TRPV3: variants seen among roughly 807,000 people sequenced by gnomAD.
TRPV3 encodes the protein transient receptor potential cation channel subfamily V member 3, also known as VRL-3.
A neutral mutation model predicts 87.1 loss-of-function variants in TRPV3; 88 were observed. The ratio of observed to expected loss-of-function variants is 1.01; its 90% confidence interval spans 0.85 to 1.21. The LOEUF is 1.21. Ranked by LOEUF, TRPV3 falls within the 50% of genes most tolerant of loss-of-function variation. The probability of loss-of-function intolerance (pLI) is 0.00; values close to 1 mark genes in which losing one functional copy is unlikely to be tolerated. For missense variants in TRPV3, 1,054 were observed against 1,030.1 expected (o/e 1.02, Z -0.32); for synonymous variants, 438 against 423.3 (o/e 1.03, Z -0.43).
rs138748634 is a variant in TRPV3 at position 3,513,341 on chromosome 17, T to A, written c.*576A>T. 618 of 152,930 alleles carry A rather than the reference T, an allele frequency of 4.0e-3. 5 individuals are homozygous for A. The highest frequency in any genetic ancestry group is 7.5e-3 in the Non-Finnish European group (514 of 68,172). The allele number at this position is 152,930 out of a possible 1,614,324, so 9.5% of individuals were successfully genotyped here. On this transcript the variant is annotated 3_prime_UTR_variant, in exon 18 of 18. Coordinates refer to ENST00000576742, the MANE Select transcript of TRPV3 (RefSeq NM_145068.4). Reference sequence around the variant, plus strand: ...GACGTTCACTCCAAGGATGGTCTCCTTTTCCCCGAAGGGTTCCGGAAGGGT... The same window carrying A: ...GACGTTCACTCCAAGGATGGTCTCCATTTCCCCGAAGGGTTCCGGAAGGGT...
intron 2 of TRPV3, among the ~76,000 whole-genome samples, chr17:3,549,933 T>C (rs2074558513): frequency 6.7e-6 from 1 of 149,354 alleles, no homozygotes; most frequent in South Asian, 2.1e-4. Context: ...GATGGATGGA[T>C]GGACAGATGA....
At chr17:3,514,089 C>CT in intron 17 of TRPV3, 78 bp from the exon 18 acceptor site, 1 of 1,312,006 alleles carries the variant, frequency 7.6e-7, no homozygotes, top group South Asian at 1.4e-5. Context: ...TCTTTTTTTT[C>CT]TTTTTTGAGA....
chr17:3,551,684 C>T (rs374320958), intron 2 of TRPV3, among the ~76,000 whole-genome samples: 2 of 152,006 alleles, frequency 1.3e-5, no homozygotes, highest in African/African-American at 4.8e-5. Context: ...CTGGGCATCA[C>T]CTTTTCCAGG....
Position 3,525,226 on chromosome 17 carries a change from G to C in TRPV3, c.1578-863C>G, listed in dbSNP as rs536510401. ...GTAGAGATGGGGTTTCACCATGTTG[G>C]CCAGGCTGGTCTCGAACTTCTGACC... is the stretch of plus-strand genomic sequence containing the variant. On this transcript the variant is annotated intron_variant, in intron 12 of 17. Coordinates refer to ENST00000576742, the MANE Select transcript of TRPV3 (RefSeq NM_145068.4). 1.3e-3 allele frequency among the ~76,000 whole-genome samples: 196 copies of C among 152,266 alleles called. 2 individuals are homozygous for C. The highest frequency in any genetic ancestry group is 2.4e-3 in the Non-Finnish European group (166 of 68,024).
rs191657144 is a variant in TRPV3 at position 3,556,085 on chromosome 17, G to A, written c.-2-1233C>T. Among the ~76,000 whole-genome samples the A allele has an allele frequency of 4.2e-3, 642 of 151,878 alleles. 3 individuals are homozygous for A. The highest frequency in any genetic ancestry group is 0.015 in the African/African-American group (605 of 41,396). ...CCAGCTAGTCGGGAGGCTGAGGCAG[G>A]AGAATCACTTGAATCCAGGAGGCAG... is the stretch of plus-strand genomic sequence containing the variant. On this transcript the variant is annotated intron_variant, in intron 1 of 17. Transcript: ENST00000576742. The surrounding 1 kb of genome is among the most constrained non-coding windows in gnomAD (Gnocchi z 4.2).
At chr17:3,527,229 C>T (rs1425870241) in intron 11 of TRPV3, among the ~76,000 whole-genome samples, 3 of 152,304 alleles carry the variant, frequency 2.0e-5, no homozygotes, top group Admixed American at 2.0e-4. Context: ...TCCAGCCTAG[C>T]GTTCCAGCCT....
chr17:3,527,728 A>C (rs2074312341), intron 11 of TRPV3: 1 of 431,272 alleles, frequency 2.3e-6, no homozygotes, highest in African/African-American at 2.1e-5. Flanking sequence ...GGTCCATGAA[A>C]GAGGGCAGGT....
chr17:3,521,896 C>T (rs765354472), intron 13 of TRPV3, among the ~76,000 whole-genome samples: 17 of 151,988 alleles, frequency 1.1e-4, no homozygotes, highest in African/African-American at 3.9e-4. Context: ...GCCAACATGG[C>T]GAAACCCCGT....
Position 3,528,194 on chromosome 17 carries a change from G to A in TRPV3, c.1402-68C>T, listed in dbSNP as rs1021413185. 7 of 1,272,908 alleles carry A rather than the reference G, an allele frequency of 5.5e-6. No homozygotes were observed. The highest frequency in any genetic ancestry group is 7.7e-6 in the Non-Finnish European group (7 of 914,736). 78.9% of individuals were successfully genotyped at this position (1,272,908 alleles called of 1,614,324 possible). ...GGACAGGGCTGGCACCAACTCTAGA[G>A]GGACCAAAACCCAGGTGAAACACTC... On this transcript the variant is annotated intron_variant, in intron 10 of 17. Coordinates refer to ENST00000576742, the MANE Select transcript of TRPV3 (RefSeq NM_145068.4). This position sits in a 1 kb window ranked among gnomAD's most constrained non-coding sequence, Gnocchi z 4.2.
chr17:3,523,526 C>T (rs886533244), intron 13 of TRPV3, among the ~76,000 whole-genome samples: 1 of 152,118 alleles, frequency 6.6e-6, no homozygotes, highest in Non-Finnish European at 1.5e-5. Flanking sequence ...CAAGACAATC[C>T]TGGCCAACAT....
intron 2 of TRPV3, among the ~76,000 whole-genome samples, chr17:3,549,010 T>C (rs923920904): frequency 1.3e-5 from 2 of 152,120 alleles, no homozygotes; most frequent in Non-Finnish European, 2.9e-5. Context: ...GGCCCTGCAG[T>C]GCCCCAGAAC....
chr17:3,545,467 G>C (rs553264010), intron 2 of TRPV3, among the ~76,000 whole-genome samples, 196 bp from the exon 3 acceptor site: 1 of 152,292 alleles, frequency 6.6e-6, no homozygotes, highest in East Asian at 1.9e-4. Context: ...TTTCACAGAT[G>C]GTCTCCAGGG....
At chr17:3,544,881 GCA>G (rs2074509145) in intron 3 of TRPV3, among the ~76,000 whole-genome samples, 1 of 152,116 alleles carries the variant, frequency 6.6e-6, no homozygotes, top group East Asian at 1.9e-4. Flanking sequence ...AGGCGTGGTG[GCA>G]TGTGCCTGTA....
chr17:3,525,472 A>C (rs2150786101), intron 12 of TRPV3, among the ~76,000 whole-genome samples: 1 of 152,266 alleles, frequency 6.6e-6, no homozygotes, highest in South Asian at 2.1e-4. Context: ...GCTGTTGTTT[A>C]AGGGGTATGG....
In TRPV3 at chr17:3,529,099, C is replaced by T; in HGVS notation, c.1243-104G>A. 4 of 1,277,786 alleles carry T rather than the reference C, an allele frequency of 3.1e-6. No homozygotes were observed. In the South Asian group the frequency reaches 3.9e-5, roughly 12 times the overall value. 79.2% of individuals were successfully genotyped at this position (1,277,786 alleles called of 1,614,324 possible). A position where few individuals can be genotyped will look rare whatever the true frequency, so the allele number is the denominator to read the frequency against. Reference sequence around the variant, plus strand: ...CTGAGTCAGTGCTGCAGAAGGGGCCCATCATTATGCCCGATGGACTGGTCT... The same window carrying T: ...CTGAGTCAGTGCTGCAGAAGGGGCCTATCATTATGCCCGATGGACTGGTCT... On this transcript the variant is annotated intron_variant, in intron 9 of 17. Transcript: ENST00000576742.
chr17:3,529,008 T>C lies in TRPV3; in HGVS notation c.1243-13A>G. Reference sequence around the variant, plus strand: ...TCTCATGCCGGTTCTAGGGGTAGAATGCCACCAGTCACCATGGAGATGAGG... The same window carrying C: ...TCTCATGCCGGTTCTAGGGGTAGAACGCCACCAGTCACCATGGAGATGAGG... On this transcript the variant is annotated splice_polypyrimidine_tract_variant and intron_variant, in intron 9 of 17. Coordinates refer to ENST00000576742, the MANE Select transcript of TRPV3 (RefSeq NM_145068.4). 6.2e-7 allele frequency: 1 copy of C among 1,614,056 alleles called. No homozygotes were observed. Among genetic ancestry groups the C allele is most frequent in the Non-Finnish European group, 8.5e-7 (1 of 1,179,980 alleles).
At chr17:3,520,284 A>T (rs12944105) in intron 14 of TRPV3, among the ~76,000 whole-genome samples, 2 of 152,116 alleles carry the variant, frequency 1.3e-5, no homozygotes, top group East Asian at 3.9e-4. Context: ...AGAGATTTTA[A>T]GAGGGGGCTC....
chr17:3,551,884 T>TTTTTTTTTTTTTTTTTTTTTTTTG (rs2074578767), intron 2 of TRPV3, among the ~76,000 whole-genome samples: 1 of 128,198 alleles, frequency 7.8e-6, no homozygotes, highest in Non-Finnish European at 1.7e-5. Flanking sequence ...TTTTTTTTTT[T>TTTTTTTTTTTTTTTTTTTTTTTTG]TTTTTTTTTT....
At chr17:3,555,048 C>G (rs2074614180) in intron 1 of TRPV3, among the ~76,000 whole-genome samples, 196 bp from the exon 2 acceptor site, 1 of 152,188 alleles carries the variant, frequency 6.6e-6, no homozygotes, top group Non-Finnish European at 1.5e-5. Flanking sequence ...GCTCCCTGCT[C>G]TAGCACCCCC....
Sources: allele counts gnomAD v4.1 joint callset (sites outside exome capture counted in the v4.1 genomes callset), GRCh38; gene constraint gnomAD v4.1.1; non-coding constraint Gnocchi (gnomAD v3.1); transcripts MANE v1.5; gene names NCBI Gene and HGNC (gene_info 2026-07-23, HGNC 2026-07-21).